RNF217: variants seen among roughly 807,000 people sequenced by gnomAD.
RNF217 encodes the protein E3 ubiquitin-protein ligase RNF217.
RNF217 carries 31 observed loss-of-function variants against 57.8 expected under a neutral mutation model. The ratio of observed to expected loss-of-function variants is 0.54; its 90% CI spans 0.40 to 0.72. The LOEUF (loss-of-function observed/expected upper bound fraction) is 0.72. RNF217 is among the 30% of genes least tolerant of loss of function. The pLI is 0.00. For synonymous variants in RNF217, 313 were observed against 294.0 expected, an observed-to-expected ratio of 1.06 and a Z score of -0.66; for missense variants, 696 against 708.3, an observed-to-expected ratio of 0.98 and a Z score of 0.20.
intron 1 of RNF217, among the ~76,000 whole-genome samples, chr6:125,001,461 TATAAC>T (rs1784979435): frequency 6.6e-6 from 1 of 152,200 alleles, no homozygotes; most frequent in South Asian, 2.1e-4. Context: ...CCACCAGTCT[TATAAC>T]ATGGCAGATA....
chr6:125,058,194 G>T (rs1787596068), intron 3 of RNF217, 88 bp downstream of exon 3: 2 of 1,131,006 alleles, frequency 1.8e-6, no homozygotes, highest in African/African-American at 1.6e-5. Flanking sequence ...AATTATAACT[G>T]TCTTAATGCA....
chr6:125,037,190 C>T (rs1242507794), intron 1 of RNF217, among the ~76,000 whole-genome samples: 1 of 151,914 alleles, frequency 6.6e-6, no homozygotes, highest in African/African-American at 2.4e-5. Flanking sequence ...CACTGTCACA[C>T]TAATGTAATT....
chr6:125,030,106 C>T (rs921307884), intron 1 of RNF217, among the ~76,000 whole-genome samples: 18 of 152,112 alleles, frequency 1.2e-4, no homozygotes, highest in African/African-American at 3.9e-4. Flanking sequence ...CCCTGATAAA[C>T]CCATCAGATC....
intron 1 of RNF217, among the ~76,000 whole-genome samples, chr6:124,992,537 T>G (rs1784597627): frequency 6.6e-6 from 1 of 152,146 alleles, no homozygotes; most frequent in Admixed American, 6.6e-5. Flanking sequence ...TTCGGTTAGC[T>G]TGTTCTAGTG....
chr6:125,082,878 C>T lies in RNF217; in HGVS notation c.1570C>T (p.Pro524Ser). The T allele has an allele frequency of 6.2e-7, 1 of 1,602,650 alleles. No homozygotes were observed. The change falls in exon 6 of 6, where the codon CCT (proline) becomes TCT (serine). Residue 524 changes from proline to serine, a missense_variant. Pro to Ser is a moderately conservative substitution (Grantham distance 74). Coordinates refer to ENST00000521654, the MANE Select transcript of RNF217 (RefSeq NM_001286398.3). The part of the protein sequence containing the change: ...IAVVIGLFVF[P>S]IYCLCKKQRK... ...CTTATCCCTAGGTTTATTTGTATTT[C>T]CTATCTATTGCCTTTGTAAAAAACA...
chr6:125,004,565 A>G (rs557422849), intron 1 of RNF217, among the ~76,000 whole-genome samples: 92 of 152,228 alleles, frequency 6.0e-4, no homozygotes, highest in Non-Finnish European at 1.1e-3. Flanking sequence ...TTGCCTCCAA[A>G]GGTAGGTACA....
At chr6:124,970,764 G>A (rs1369633972) in intron 1 of RNF217, among the ~76,000 whole-genome samples, 2 of 152,182 alleles carry the variant, frequency 1.3e-5, no homozygotes, top group African/African-American at 2.4e-5. Flanking sequence ...TGGAGTCTGG[G>A]ACATCAGAAA....
At chr6:125,076,934 A>T in intron 4 of RNF217, 76 bp downstream of exon 4, 1 of 1,277,730 alleles carries the variant, frequency 7.8e-7, no homozygotes, top group South Asian at 1.2e-5. Context: ...ATGTGCAGCC[A>T]TGGTAATTCA....
At chr6:124,979,813 G>A (rs1349691648) in intron 1 of RNF217, among the ~76,000 whole-genome samples, 1 of 152,204 alleles carries the variant, frequency 6.6e-6, no homozygotes, top group Admixed American at 6.5e-5. Flanking sequence ...TAAGGGTTGA[G>A]TTGGCAAGAG....
At chr6:125,073,766 A>G (rs903699574) in intron 3 of RNF217, among the ~76,000 whole-genome samples, 2 of 152,150 alleles carry the variant, frequency 1.3e-5, no homozygotes, top group Admixed American at 1.3e-4. Context: ...ACTTGCAGTT[A>G]AATTACCCGG....
intron 1 of RNF217, among the ~76,000 whole-genome samples, chr6:125,036,211 A>G (rs900730816): frequency 1.3e-5 from 2 of 152,118 alleles, no homozygotes; most frequent in Admixed American, 1.3e-4. Context: ...TTTGCTGAGA[A>G]TGATGGTTTC....
At chr6:124,997,557 C>G (rs1334427) in intron 1 of RNF217, among the ~76,000 whole-genome samples, 37,301 of 151,952 alleles carry the variant, frequency 0.25, 4,877 homozygotes, top group East Asian at 0.4. Context: ...TGATGAAGGG[C>G]AAGTCAGAGT....
chr6:125,063,277 G>A (rs144241479), intron 3 of RNF217, among the ~76,000 whole-genome samples: 91 of 152,192 alleles, frequency 6.0e-4, no homozygotes, highest in Non-Finnish European at 1.1e-3. Context: ...AGGATTATAC[G>A]TTATAAAAGC....
intron 3 of RNF217, among the ~76,000 whole-genome samples, chr6:125,064,792 A>G (rs1482996746): frequency 6.6e-6 from 1 of 152,080 alleles, no homozygotes; most frequent in African/African-American, 2.4e-5. Context: ...CATGTCATCT[A>G]TACTTGTATG....
At chr6:125,007,763 C>A (rs1221562383) in intron 1 of RNF217, among the ~76,000 whole-genome samples, 1 of 152,102 alleles carries the variant, frequency 6.6e-6, no homozygotes, top group Admixed American at 6.6e-5. Flanking sequence ...GGTTAGAGAA[C>A]CAGACAGTAG....
intron 3 of RNF217, among the ~76,000 whole-genome samples, chr6:125,075,344 A>G (rs1049434381): frequency 1.3e-5 from 2 of 152,178 alleles, no homozygotes; most frequent in South Asian, 2.1e-4. Context: ...TCATGCTGCT[A>G]TGAAGAAATA....
chr6:125,079,203 C>T (rs1788484403), intron 4 of RNF217, among the ~76,000 whole-genome samples: 1 of 152,056 alleles, frequency 6.6e-6, no homozygotes, highest in South Asian at 2.1e-4. Flanking sequence ...GATTAGCAGC[C>T]TCTGACATAG....
At chr6:124,999,013 A>G (rs979967754) in intron 1 of RNF217, among the ~76,000 whole-genome samples, 2 of 152,216 alleles carry the variant, frequency 1.3e-5, no homozygotes, top group African/African-American at 2.4e-5. Flanking sequence ...ATGTAATTAT[A>G]CCTTTACATA....
At chr6:125,073,749 T>C (rs192888751) in intron 3 of RNF217, among the ~76,000 whole-genome samples, 2 of 152,264 alleles carry the variant, frequency 1.3e-5, no homozygotes, top group East Asian at 3.9e-4. Context: ...TGCCTGGCAG[T>C]CCAGGAACTT....
Sources: gnomAD v4.1 joint callset for allele counts (sites outside exome capture counted in the v4.1 genomes callset) on GRCh38, gnomAD v4.1.1 for gene constraint, MANE v1.5 for transcripts, NCBI Gene and HGNC (gene_info 2026-07-23, HGNC 2026-07-21) for gene names.